Variants in PLEKHG4B observed in about 807,000 individuals in gnomAD.
PLEKHG4B encodes pleckstrin homology and RhoGEF domain containing G4B.
Under a neutral mutation model 121.3 loss-of-function variants are expected in PLEKHG4B, and 111 were observed. The ratio of observed to expected loss-of-function variants is 0.92; its 90% CI spans 0.78 to 1.07. The LOEUF is 1.07. Among genes scored for constraint, PLEKHG4B ranks in the 50% least tolerant of loss-of-function variants. The pLI is 0.00. For missense variants in PLEKHG4B, 1,831 were observed against 1,757.8 expected (o/e 1.04, Z -0.74); for synonymous variants, 738 against 725.0 (o/e 1.02, Z -0.29).
At chr5:163,653 C>T (rs1294288099) in intron 13 of PLEKHG4B, 105 bp downstream of exon 13, 3 of 1,007,574 alleles carry the variant, frequency 3.0e-6, no homozygotes, top group Admixed American at 2.9e-5. Context: ...AAAGTAAATC[C>T]GCAGACATCC....
intron 18 of PLEKHG4B, 56 bp from the exon 19 acceptor site, chr5:181,458 G>A: frequency 1.3e-6 from 2 of 1,565,168 alleles, no homozygotes; most frequent in Non-Finnish European, 1.7e-6. Flanking sequence ...GGCGTCTTTG[G>A]GGTGGCATTA....
chr5:125,060 G>A (rs1275929466), intron 2 of PLEKHG4B, among the ~76,000 whole-genome samples: 1 of 152,144 alleles, frequency 6.6e-6, no homozygotes, highest in East Asian at 1.9e-4. Flanking sequence ...TTGAACCCAG[G>A]AGGCAGAGGT....
rs201483650 is a variant in PLEKHG4B, at chr5:181,774, CCA to C, written c.4564+102_4564+103del. 716 of 1,472,864 alleles carry C rather than the reference CCA, an allele frequency of 4.9e-4. 13 individuals carry two copies. The East Asian group carries it at 0.016, about 33-fold the overall frequency. 91.2% of individuals were successfully genotyped at this position (1,472,864 alleles called of 1,614,324 possible). A position where few individuals can be genotyped will look rare whatever the true frequency, so the allele number is the denominator to read the frequency against. ...TGGCATCGGCCCCACCCTCACTCGC[CCA>C]CAGAGTGCACCAGGCCTGTCGTCAA... On this transcript the variant is annotated intron_variant, in intron 19 of 19. Coordinates refer to ENST00000637938, the MANE Select transcript of PLEKHG4B (RefSeq NM_052909.5).
Position 139,872 on chromosome 5 carries a change from C to T in PLEKHG4B, c.633C>T (p.Tyr211=), listed in dbSNP as rs1735099117. 2.5e-6 allele frequency: 1 copy of T among 400,164 alleles called. No individual in the cohort carries two copies. Among genetic ancestry groups the T allele is most frequent in the African/African-American group, 2.1e-5 (1 of 48,580 alleles). 24.8% of individuals were successfully genotyped at this position (400,164 alleles called of 1,614,324 possible). The change falls in exon 3 of 20, where the codon TAC becomes TAT. Residue 211 remains tyrosine, a synonymous_variant. Transcript: ENST00000637938. This position sits in a 1 kb window ranked among gnomAD's most constrained non-coding sequence, Gnocchi z 5.0. The part of the protein sequence containing the change: ...VPSPGAILQS[Y]SSCTGPERLP... ...GCCCTGGAGCCATCCTGCAGAGCTA[C>T]TCCAGCTGCACAGGTCCTGAGCGGC... is the stretch of plus-strand genomic sequence containing the variant.
At chr5:178,807 A>G (rs143765553) in intron 18 of PLEKHG4B, among the ~76,000 whole-genome samples, 17 of 152,344 alleles carry the variant, frequency 1.1e-4, no homozygotes, top group African/African-American at 4.1e-4. Context: ...CCCCACGGAT[A>G]CCCAAATCTG....
At chr5:177,569 G>A (rs537722555) in intron 18 of PLEKHG4B, among the ~76,000 whole-genome samples, 17 of 152,264 alleles carry the variant, frequency 1.1e-4, no homozygotes, top group Admixed American at 5.9e-4. Flanking sequence ...TACCTCCTCC[G>A]AAGAAAGAAT....
intron 1 of PLEKHG4B, among the ~76,000 whole-genome samples, chr5:109,289 C>T (rs775219346): frequency 1.3e-5 from 2 of 150,518 alleles, no homozygotes; most frequent in Non-Finnish European, 2.9e-5. Flanking sequence ...CCCAGCTACT[C>T]GGAAGGCTGA....
Position 176,275 on chromosome 5 carries a change from C to T in PLEKHG4B, c.4402+2177C>T, listed in dbSNP as rs1736757472. ...TGGCCTTTTTCCTTCCTTTGTAACC[C>T]ACGGTCCTGCTTCCTGTTTGGGGTC... On this transcript the variant is annotated intron_variant, in intron 18 of 19. Transcript: ENST00000637938. Among the ~76,000 whole-genome samples the T allele has an allele frequency of 5.6e-5, 3 of 54,016 alleles. 1 individual carries two copies. The highest frequency in any genetic ancestry group is 7.9e-5 in the African/African-American group (2 of 25,210). The allele number at this position is 54,016 out of a possible 152,430, so 35.4% of individuals were successfully genotyped here. A position where few individuals can be genotyped will look rare whatever the true frequency, so the allele number is the denominator to read the frequency against.
At chr5:177,058 T>C (rs1736780418) in intron 18 of PLEKHG4B, among the ~76,000 whole-genome samples, 1 of 152,236 alleles carries the variant, frequency 6.6e-6, no homozygotes, top group African/African-American at 2.4e-5. Context: ...AAATTAGTCT[T>C]CTCAGAAAAC....
intron 1 of PLEKHG4B, among the ~76,000 whole-genome samples, chr5:106,304 C>G (rs1733972022): frequency 6.6e-6 from 1 of 152,192 alleles, no homozygotes; most frequent in African/African-American, 2.4e-5. Flanking sequence ...GGAAAGGCAT[C>G]TGGGCAGGTT....
At chr5:98,863 A>C (rs937356566) in intron 1 of PLEKHG4B, among the ~76,000 whole-genome samples, 3 of 116,414 alleles carry the variant, frequency 2.6e-5, no homozygotes, top group Non-Finnish European at 5.1e-5. Flanking sequence ...TTTTCAAAAA[A>C]AATTTTTTGG....
chr5:144,738 A>C, intron 5 of PLEKHG4B, 89 bp from the exon 6 acceptor site: 4 of 1,133,560 alleles, frequency 3.5e-6, no homozygotes, highest in Non-Finnish European at 5.2e-6. Flanking sequence ...AAAGGAAACC[A>C]GTAACAACTA....
chr5:131,492 T>C (rs998652277), intron 2 of PLEKHG4B, among the ~76,000 whole-genome samples: 1 of 152,174 alleles, frequency 6.6e-6, no homozygotes, highest in Non-Finnish European at 1.5e-5. Context: ...ATGTGCCACA[T>C]TTTCTTAATC....
chr5:109,301 A>G (rs569562874), intron 1 of PLEKHG4B, among the ~76,000 whole-genome samples: 1 of 150,622 alleles, frequency 6.6e-6, no homozygotes, highest in African/African-American at 2.5e-5. Flanking sequence ...GAAGGCTGAG[A>G]GAGGAGAATC....
At position 139,430 on chromosome 5, in the gene PLEKHG4B, G is replaced by A. The variant is rs931458827; in HGVS notation, c.244-53G>A. The A allele has an allele frequency of 1.5e-5, 6 of 398,792 alleles. No homozygotes were observed. Among genetic ancestry groups the A allele is most frequent in the African/African-American group, 1.2e-4 (6 of 48,636 alleles). 24.7% of individuals were successfully genotyped at this position (398,792 alleles called of 1,614,324 possible). A position where few individuals can be genotyped will look rare whatever the true frequency, so the allele number is the denominator to read the frequency against. ...AGGGGTGGAGACCCAGGGCATGGAA[G>A]GGCTCAGGACATGGCCGTGCCCACC... On this transcript the variant is annotated intron_variant, in intron 2 of 19. Transcript: ENST00000637938. The surrounding 1 kb of genome is among the most constrained non-coding windows in gnomAD (Gnocchi z 5.0).
In PLEKHG4B at chr5:182,070, A is replaced by C; in HGVS notation, c.4631A>C (p.His1544Pro). The C allele has an allele frequency of 6.2e-7, 1 of 1,613,672 alleles. No individual in the cohort carries two copies. The highest frequency in any genetic ancestry group is 8.5e-7 in the Non-Finnish European group (1 of 1,179,938). ...CACGCCGCCCCCTTCAAGCGACCAC[A>C]CTCCACCATCTCAGACAGCAGCACC... is the stretch of plus-strand genomic sequence containing the variant. The part of the protein sequence containing the change: ...SDHAAPFKRP[H>P]STISDSSTSS... The change falls in exon 20 of 20, where the codon CAC becomes CCC. Residue 1544 changes from histidine to proline, a missense_variant. His to Pro is a moderately conservative substitution (Grantham distance 77). Coordinates refer to ENST00000637938, the MANE Select transcript of PLEKHG4B (RefSeq NM_052909.5).
At position 163,501 on chromosome 5, in the gene PLEKHG4B, C is replaced by G; in HGVS notation, c.3429C>G (p.Pro1143=). The G allele has an allele frequency of 6.2e-7, 1 of 1,611,910 alleles. No individual in the cohort carries two copies. The change falls in exon 13 of 20, where the codon CCC becomes CCG. Residue 1143 remains proline (P), a synonymous_variant. Transcript: ENST00000637938. The stretch of plus-strand genomic sequence containing the variant: ...CTCAGAGCCGGAGTCTGTCCTCCCC[C>G]TCGGGGCTCCACCCTGCTGAGGAGG... ...PVTQSRSLSS[P]SGLHPAEEDG...
At chr5:155,771 G>T (rs1234135508) in intron 9 of PLEKHG4B, among the ~76,000 whole-genome samples, 1 of 152,178 alleles carries the variant, frequency 6.6e-6, no homozygotes, top group Non-Finnish European at 1.5e-5. Context: ...CAGCCCAGCC[G>T]CCAGGTCTAG....
chr5:102,488 C>T (rs1469709734), intron 1 of PLEKHG4B, among the ~76,000 whole-genome samples: 1 of 152,108 alleles, frequency 6.6e-6, no homozygotes, highest in Non-Finnish European at 1.5e-5. Flanking sequence ...AGGGTAAACA[C>T]TGCAACCGCC....
Sources: allele counts gnomAD v4.1 joint callset (sites outside exome capture counted in the v4.1 genomes callset), GRCh38; gene constraint gnomAD v4.1.1; non-coding constraint Gnocchi (gnomAD v3.1); transcripts MANE v1.5; gene names NCBI Gene and HGNC (gene_info 2026-07-23, HGNC 2026-07-21).